ATP2C1: variants seen among roughly 807,000 people sequenced by gnomAD.
ATP2C1 encodes calcium-transporting ATPase type 2C member 1.
Under a neutral mutation model 120.5 loss-of-function variants are expected in ATP2C1, and 31 were observed. That is an observed-to-expected ratio of 0.26 (90% confidence interval 0.19 to 0.35). The LOEUF is 0.35. Among genes scored for constraint, ATP2C1 ranks in the 10% least tolerant of loss-of-function variants. ATP2C1 has a pLI of 1.00. For missense variants in ATP2C1, 731 were observed against 1,107.5 expected (o/e 0.66, Z 4.83); for synonymous variants, 351 against 358.7 (o/e 0.98, Z 0.24).
intron 26 of ATP2C1, chr3:131,015,385 A>G (rs999717801): frequency 2.2e-5 from 13 of 588,238 alleles, no homozygotes; most frequent in African/African-American, 9.4e-5. Context: ...TGGATGGTCA[A>G]TTACCAAGAT....
chr3:130,997,878 A>T, intron 25 of ATP2C1, 125 bp downstream of exon 25: 1 of 953,932 alleles, frequency 1.0e-6, no homozygotes, highest in South Asian at 1.4e-5. Context: ...GAAAAATATA[A>T]GAACATTTTA....
chr3:130,897,783 A>G (rs948318130), intron 2 of ATP2C1, among the ~76,000 whole-genome samples: 1 of 152,178 alleles, frequency 6.6e-6, no homozygotes, highest in Admixed American at 6.5e-5. Context: ...AGACTCCAGG[A>G]TGTTTCATGA....
intron 26 of ATP2C1, chr3:131,014,226 C>G (rs372444989): frequency 4.3e-6 from 7 of 1,613,084 alleles, no homozygotes; most frequent in Non-Finnish European, 5.9e-6. Context: ...ATTTGATCTA[C>G]CTTTTGGTAG....
chr3:130,946,267 CTT>C (rs997874272), intron 8 of ATP2C1, among the ~76,000 whole-genome samples: 1 of 152,212 alleles, frequency 6.6e-6, no homozygotes, highest in African/African-American at 2.4e-5. Flanking sequence ...GGAATTCAAA[CTT>C]AAGAACACGC....
At chr3:130,949,225 G>GA (rs993194169) in intron 8 of ATP2C1, among the ~76,000 whole-genome samples, 9 of 152,208 alleles carry the variant, frequency 5.9e-5, no homozygotes, top group Middle Eastern at 3.4e-3. Flanking sequence ...TGAATGCAAA[G>GA]AAAAAATTCT....
chr3:130,985,027 C>T (rs1221335331), intron 20 of ATP2C1, among the ~76,000 whole-genome samples: 1 of 152,150 alleles, frequency 6.6e-6, no homozygotes, highest in Non-Finnish European at 1.5e-5. Context: ...ATTGTGTGCA[C>T]CCCACTTTAT....
chr3:130,867,629 T>C (rs2068231833), intron 1 of ATP2C1, among the ~76,000 whole-genome samples: 1 of 151,694 alleles, frequency 6.6e-6, no homozygotes, highest in African/African-American at 2.4e-5. Flanking sequence ...TGGCGTGATC[T>C]TGGCTCGCTA....
intron 26 of ATP2C1, among the ~76,000 whole-genome samples, chr3:131,008,835 C>CT (rs1207098819): frequency 6.6e-5 from 10 of 152,182 alleles, no homozygotes; most frequent in Admixed American, 1.3e-4. Flanking sequence ...AGTGACTACT[C>CT]TGAGTCTCCA....
chr3:130,896,930 G>A (rs2069682832), intron 2 of ATP2C1, among the ~76,000 whole-genome samples: 1 of 152,142 alleles, frequency 6.6e-6, no homozygotes, highest in Non-Finnish European at 1.5e-5. Context: ...TTGGCTTTGT[G>A]CATATTAAAG....
chr3:130,993,254 T>C (rs527992285), intron 21 of ATP2C1, among the ~76,000 whole-genome samples: 2 of 152,232 alleles, frequency 1.3e-5, no homozygotes, highest in African/African-American at 4.8e-5. Context: ...TATAAAACAA[T>C]GTTCTAACTG....
chr3:130,875,976 T>G (rs1029049922), intron 1 of ATP2C1, among the ~76,000 whole-genome samples: 4 of 152,090 alleles, frequency 2.6e-5, no homozygotes, highest in African/African-American at 9.6e-5. Context: ...GAGTTTTTTT[T>G]GGAGTTATTT....
chr3:130,998,180 A>T, intron 25 of ATP2C1, 114 bp from the exon 26 acceptor site: 1 of 746,230 alleles, frequency 1.3e-6, no homozygotes, highest in Non-Finnish European at 2.3e-6. Flanking sequence ...TTCATGTGTT[A>T]GGCTAAAGTT....
intron 8 of ATP2C1, among the ~76,000 whole-genome samples, chr3:130,950,910 A>G (rs1020305549): frequency 6.6e-6 from 1 of 152,124 alleles, no homozygotes. Context: ...TAGTCACTTC[A>G]TGTTAGTATT....
At chr3:130,880,264 T>C (rs1442703723) in intron 1 of ATP2C1, among the ~76,000 whole-genome samples, 1 of 152,162 alleles carries the variant, frequency 6.6e-6, no homozygotes, top group Non-Finnish European at 1.5e-5. Context: ...GTTGATGTAG[T>C]AGTTTTGCAG....
chr3:130,928,605 T>G (rs2059320223), intron 2 of ATP2C1, among the ~76,000 whole-genome samples: 1 of 152,246 alleles, frequency 6.6e-6, no homozygotes, highest in African/African-American at 2.4e-5. Flanking sequence ...TCACCTTGTT[T>G]AGTCTGTATT....
At chr3:130,991,738 A>T (rs1425803436) in intron 20 of ATP2C1, among the ~76,000 whole-genome samples, 3 of 152,168 alleles carry the variant, frequency 2.0e-5, no homozygotes, top group Non-Finnish European at 2.9e-5. Context: ...TTAATAGGTA[A>T]GAAGGTAGAA....
chr3:130,997,039 G>A (rs2062657811), intron 24 of ATP2C1, among the ~76,000 whole-genome samples: 1 of 152,014 alleles, frequency 6.6e-6, no homozygotes, highest in African/African-American at 2.4e-5. Context: ...TCAGGAATAG[G>A]TGCTATCCCT....
chr3:130,893,949 G>A, upstream of ATP2C1: 1 of 985,696 alleles, frequency 1.0e-6, no homozygotes, highest in Non-Finnish European at 1.2e-6. Flanking sequence ...CCGTGAACAC[G>A]AATGCGCCTG....
chr3:130,853,764 C>A (rs1217733828), intron 1 of ATP2C1, among the ~76,000 whole-genome samples: 4 of 152,170 alleles, frequency 2.6e-5, no homozygotes, highest in Non-Finnish European at 4.4e-5. Flanking sequence ...TATTCGTGCA[C>A]CCATGCACAC....
Sources: allele counts gnomAD v4.1 joint callset (sites outside exome capture counted in the v4.1 genomes callset), GRCh38; gene constraint gnomAD v4.1.1; transcripts MANE v1.5; gene names NCBI Gene and HGNC (gene_info 2026-07-23, HGNC 2026-07-21).